RASSF5: variants seen among roughly 807,000 people sequenced by gnomAD.
RASSF5 encodes Ras association domain family member 5.
A neutral mutation model predicts 40.5 loss-of-function variants in RASSF5; 25 were observed. That is an observed-to-expected ratio of 0.62 (90% CI 0.45 to 0.86). The LOEUF (loss-of-function observed/expected upper bound fraction) is 0.86, where lower values mean the gene tolerates loss of function less well. Ranked by LOEUF, RASSF5 falls within the 40% of genes least tolerant of loss-of-function variation. The probability of loss-of-function intolerance (pLI) is 0.00; values close to 1 mark genes in which losing one functional copy is unlikely to be tolerated. For synonymous variants in RASSF5, 246 were observed against 252.4 expected (o/e 0.97, Z 0.24); for missense variants, 521 against 572.8 (o/e 0.91, Z 0.92).
chr1:206,523,644 AT>A, intron 1 of RASSF5, among the ~76,000 whole-genome samples: 1 of 100,948 alleles, frequency 9.9e-6, no homozygotes, highest in East Asian at 2.3e-4. Flanking sequence ...ATTATATATA[AT>A]ATATTTATAT....
chr1:206,531,976 C>T lies in RASSF5; in HGVS notation c.458-6196C>T, dbSNP rs868986471. ...CTGAGGCAGGAGAATGGCGTGAACC[C>T]GGGAGGCGGAGCTTGCAGTGAGCCA... is the stretch of plus-strand genomic sequence containing the variant. On this transcript the variant is annotated intron_variant, in intron 1 of 5. Transcript: ENST00000579436. The surrounding 1 kb of genome is among the most constrained non-coding windows in gnomAD (Gnocchi z 4.7). Among the ~76,000 whole-genome samples the T allele has an allele frequency of 5.3e-5, 8 of 151,772 alleles. No individual in the cohort carries two copies. Among genetic ancestry groups the T allele is most frequent in the Admixed American group, 3.3e-4 (5 of 15,224 alleles).
In RASSF5 at chr1:206,579,528, T is replaced by C. The variant is rs1668787257; in HGVS notation, c.580-3741T>C. Among the ~76,000 whole-genome samples, 1 of 151,970 alleles carries C rather than the reference T, an allele frequency of 6.6e-6. No homozygotes were observed. The highest frequency in any genetic ancestry group is 1.5e-5 in the Non-Finnish European group (1 of 68,020). On this transcript the variant is annotated intron_variant, in intron 2 of 5. Coordinates refer to ENST00000579436, the MANE Select transcript of RASSF5 (RefSeq NM_182663.4). This position sits in a 1 kb window ranked among gnomAD's most constrained non-coding sequence, Gnocchi z 4.2. ...GTGCCTGTTAGGTAAACCTTTGGGG[T>C]GTTTGTGTGTTTCTTGGCACCAAGT...
At chr1:206,537,323 G>A (rs1553398811) in intron 1 of RASSF5, among the ~76,000 whole-genome samples, 1 of 152,214 alleles carries the variant, frequency 6.6e-6, no homozygotes. Flanking sequence ...CCCGGATCTG[G>A]GATGTGGTCT....
chr1:206,528,416 A>T (rs1572306250), intron 1 of RASSF5, among the ~76,000 whole-genome samples: 1 of 152,182 alleles, frequency 6.6e-6, no homozygotes, highest in Non-Finnish European at 1.5e-5. Flanking sequence ...GGAAGAAGGG[A>T]TAAATAGGCA....
chr1:206,522,735 C>A (rs1275502568), intron 1 of RASSF5, among the ~76,000 whole-genome samples: 1 of 152,122 alleles, frequency 6.6e-6, no homozygotes. Flanking sequence ...CATGAGGCCA[C>A]AGTGCCATGG....
chr1:206,558,164 G>A (rs1668041110), intron 2 of RASSF5, among the ~76,000 whole-genome samples: 2 of 152,234 alleles, frequency 1.3e-5, no homozygotes, highest in African/African-American at 4.8e-5. Context: ...ACCTTAAGTC[G>A]TAATCCAGCA....
intron 1 of RASSF5, among the ~76,000 whole-genome samples, chr1:206,525,303 G>T (rs1288034925): frequency 2.6e-5 from 4 of 152,238 alleles, no homozygotes; most frequent in Non-Finnish European, 5.9e-5. Flanking sequence ...GGCAGGTTGG[G>T]TGTGTTTGGG....
chr1:206,585,985 GA>G, intron 5 of RASSF5: 1 of 152,362 alleles, frequency 6.6e-6, no homozygotes, highest in Middle Eastern at 3.4e-3. Flanking sequence ...AATATGTTTG[GA>G]AAAAGTACTC....
At chr1:206,574,375 C>T (rs183591831) in intron 2 of RASSF5, among the ~76,000 whole-genome samples, 129 of 152,304 alleles carry the variant, frequency 8.5e-4, no homozygotes, top group Middle Eastern at 6.8e-3. Flanking sequence ...ATCCCATCTG[C>T]GTCATCTCTC....
Position 206,565,031 on chromosome 1 carries a change from G to A in RASSF5, c.580-18238G>A, listed in dbSNP as rs147164823. ...CGCCCCACCTCTCTTCCTAGCTCTA[G>A]AATGGCATTTTCTACAGCTTCCTGG... On this transcript the variant is annotated intron_variant, in intron 2 of 5. Transcript: ENST00000579436. 2.7e-3 allele frequency among the ~76,000 whole-genome samples: 412 copies of A among 152,224 alleles called. 2 individuals carry two copies. The highest frequency in any genetic ancestry group is 4.4e-3 in the Admixed American group (67 of 15,294).
At chr1:206,572,902 G>T (rs1175554818) in intron 2 of RASSF5, among the ~76,000 whole-genome samples, 1 of 152,158 alleles carries the variant, frequency 6.6e-6, no homozygotes, top group African/African-American at 2.4e-5. Context: ...TGGCTGAAGG[G>T]CCTATCGGGA....
At chr1:206,551,257 G>C (rs1454037992) in intron 2 of RASSF5, among the ~76,000 whole-genome samples, 1 of 152,128 alleles carries the variant, frequency 6.6e-6, no homozygotes, top group Non-Finnish European at 1.5e-5. Context: ...CTTCTATTCT[G>C]ACTCCTTCCC....
chr1:206,520,328 C>T (rs868919630), intron 1 of RASSF5, among the ~76,000 whole-genome samples: 30 of 152,160 alleles, frequency 2.0e-4, no homozygotes, highest in African/African-American at 3.9e-4. Flanking sequence ...GTTTGGTGGC[C>T]GGGCGCGGTG....
At chr1:206,557,041 A>T (rs903271294) in intron 2 of RASSF5, 1 of 584,074 alleles carries the variant, frequency 1.7e-6, no homozygotes, top group African/African-American at 2.0e-5. Flanking sequence ...CCCTTATATG[A>T]CCTGCAGTTC....
chr1:206,570,309 G>T (rs1247939262), intron 2 of RASSF5, among the ~76,000 whole-genome samples: 2 of 151,824 alleles, frequency 1.3e-5, no homozygotes, highest in African/African-American at 4.8e-5. Context: ...GGTCAGGATG[G>T]TCTCAGACTC....
intron 1 of RASSF5, among the ~76,000 whole-genome samples, chr1:206,514,836 T>G (rs1553395186): frequency 1.3e-5 from 2 of 152,168 alleles, no homozygotes; most frequent in African/African-American, 4.8e-5. Flanking sequence ...TATATTCACA[T>G]GGAATAGGAA....
rs1360104698 is a variant in RASSF5 at position 206,557,193 on chromosome 1, G to C, written c.579+18900G>C. On this transcript the variant is annotated intron_variant, in intron 2 of 5. Coordinates refer to ENST00000579436, the MANE Select transcript of RASSF5 (RefSeq NM_182663.4). ...CTGCTTTACGCGAGGGGCAGGAAAG[G>C]CGCGGGAGGCGGGGGAGGTGCGGAG... is the stretch of plus-strand genomic sequence containing the variant. 4 of 1,035,094 alleles carry C rather than the reference G, an allele frequency of 3.9e-6. No individual in the cohort carries two copies. In the African/African-American group the frequency reaches 6.8e-5, roughly 18 times the overall value. 64.1% of individuals were successfully genotyped at this position (1,035,094 alleles called of 1,614,324 possible). A position where few individuals can be genotyped will look rare whatever the true frequency, so the allele number is the denominator to read the frequency against.
At chr1:206,566,601 T>C (rs1668295275) in intron 2 of RASSF5, among the ~76,000 whole-genome samples, 1 of 152,176 alleles carries the variant, frequency 6.6e-6, no homozygotes, top group South Asian at 2.1e-4. Flanking sequence ...ACCCCAGAAC[T>C]GAAGCTCCAC....
chr1:206,548,622 C>A (rs930898500), intron 2 of RASSF5, among the ~76,000 whole-genome samples: 1 of 152,202 alleles, frequency 6.6e-6, no homozygotes, highest in African/African-American at 2.4e-5. Flanking sequence ...CAATTGGTTA[C>A]AATGTGCCTT....
Sources: gnomAD v4.1 joint callset for allele counts (sites outside exome capture counted in the v4.1 genomes callset) on GRCh38, gnomAD v4.1.1 for gene constraint, Gnocchi (gnomAD v3.1) non-coding constraint, MANE v1.5 for transcripts, NCBI Gene and HGNC (gene_info 2026-07-23, HGNC 2026-07-21) for gene names.